Variants in CYP20A1 observed in about 807,000 individuals in gnomAD.
CYP20A1 encodes cytochrome P450 family 20 subfamily A member 1.
Under a neutral mutation model 61.4 loss-of-function variants are expected in CYP20A1, and 61 were observed. The observed-to-expected ratio is 0.99, with a 90% CI of 0.81 to 1.23. The LOEUF is 1.23. Among genes scored for constraint, CYP20A1 ranks in the 50% most tolerant of loss-of-function variants. The probability of loss-of-function intolerance (pLI) is 0.00; values close to 1 mark genes in which losing one functional copy is unlikely to be tolerated. For synonymous variants in CYP20A1, 193 were observed against 188.2 expected, an observed-to-expected ratio of 1.03 and a Z score of -0.21; for missense variants, 530 against 542.4, an observed-to-expected ratio of 0.98 and a Z score of 0.23.
At position 203,292,716 on chromosome 2, in the gene CYP20A1, C is replaced by T. The variant is rs186345858; in HGVS notation, c.1148+390C>T. ...TCAAGCCATCCTCCCACCTCTGCCT[C>T]CCAAAGTGGTGGGATTACAGGCATG... On this transcript the variant is annotated intron_variant, in intron 11 of 12. Transcript: ENST00000356079. Among the ~76,000 whole-genome samples the T allele has an allele frequency of 5.3e-5, 8 of 152,244 alleles. No individual in the cohort carries two copies. In the East Asian group the frequency reaches 1.5e-3, roughly 29 times the overall value.
chr2:203,278,695 T>A lies in CYP20A1; in HGVS notation c.795+7T>A. ...GAACCTTAATGACCAACAGGTGATA[T>A]AATTGTTAAATGTTTATCAGGTAAA... On this transcript the variant is annotated splice_region_variant and intron_variant, in intron 7 of 12. Transcript: ENST00000356079. The A allele has an allele frequency of 1.4e-6, 2 of 1,427,700 alleles. No homozygotes were observed. The highest frequency in any genetic ancestry group is 1.9e-6 in the Non-Finnish European group (2 of 1,033,712). 88.4% of individuals were successfully genotyped at this position (1,427,700 alleles called of 1,614,324 possible). A position where few individuals can be genotyped will look rare whatever the true frequency, so the allele number is the denominator to read the frequency against.
rs567061829 is a variant in CYP20A1, at chr2:203,289,133, A to G, written c.972-632A>G. ...GCTCTCATTCTTTTTCATCTTTGTCAATCTGGCAAGTAAAAAAAATGCTAT... is the reference window on the plus strand; with the variant it reads ...GCTCTCATTCTTTTTCATCTTTGTCGATCTGGCAAGTAAAAAAAATGCTAT... On this transcript the variant is annotated intron_variant, in intron 9 of 12. Transcript: ENST00000356079. Among the ~76,000 whole-genome samples the G allele has an allele frequency of 5.9e-5, 9 of 152,086 alleles. No individual in the cohort carries two copies. The South Asian group carries it at 1.0e-3, about 18-fold the overall frequency.
At chr2:203,244,793 C>T (rs2066394988) in intron 1 of CYP20A1, among the ~76,000 whole-genome samples, 1 of 147,194 alleles carries the variant, frequency 6.8e-6, no homozygotes, top group South Asian at 2.1e-4. Flanking sequence ...AGTACAGTGG[C>T]GCGATCTAGG....
rs377306363 is a variant in CYP20A1 at position 203,251,815 on chromosome 2, A to ATATATATATG, written c.290-150_290-149insTATATATGTA. ...TGTGTATATATATATATATATATATATAAAAAATAAAAAATAAAAACAAGG... is the reference window on the plus strand; with the variant it reads ...TGTGTATATATATATATATATATATATATATATATGTAAAAAATAAAAAATAAAAACAAGG... On this transcript the variant is annotated intron_variant, in intron 3 of 12. Coordinates refer to ENST00000356079, the MANE Select transcript of CYP20A1 (RefSeq NM_177538.3). 140 of 89,236 alleles carry ATATATATATG rather than the reference A, an allele frequency of 1.6e-3. 2 individuals carry two copies. The highest frequency in any genetic ancestry group is 5.1e-3 in the South Asian group (9 of 1,776). 5.5% of individuals were successfully genotyped at this position (89,236 alleles called of 1,614,324 possible). A position where few individuals can be genotyped will look rare whatever the true frequency, so the allele number is the denominator to read the frequency against.
intron 11 of CYP20A1, among the ~76,000 whole-genome samples, chr2:203,293,471 T>G (rs1156642555): frequency 6.7e-6 from 1 of 149,310 alleles, no homozygotes; most frequent in Non-Finnish European, 1.5e-5. Context: ...CGCCTCAGCC[T>G]CCCAAAGTGC....
chr2:203,273,797 A>G (rs2067704348), intron 6 of CYP20A1, among the ~76,000 whole-genome samples: 2 of 152,194 alleles, frequency 1.3e-5, no homozygotes, highest in South Asian at 4.1e-4. Context: ...AATACAAAAC[A>G]TTAGCCGGGT....
chr2:203,253,317 C>T (rs936576688), intron 4 of CYP20A1, among the ~76,000 whole-genome samples: 7 of 152,170 alleles, frequency 4.6e-5, no homozygotes, highest in Non-Finnish European at 1.5e-5. Flanking sequence ...GCTGATCTCC[C>T]CTATGGGCTG....
chr2:203,285,607 C>A lies in CYP20A1; in HGVS notation c.851-5C>A. 6.4e-7 allele frequency: 1 copy of A among 1,568,682 alleles called. No homozygotes were observed. Among genetic ancestry groups the A allele is most frequent in the Admixed American group, 2.1e-5 (1 of 47,390 alleles). ...TCATTGTTATTCATATAATGTTTGA[C>A]CTAGTGTGTACCTGGGCAATCTGTT... On this transcript the variant is annotated splice_polypyrimidine_tract_variant and splice_region_variant and intron_variant, in intron 8 of 12. Transcript: ENST00000356079.
At chr2:203,239,909 A>G (rs1313951403) in intron 1 of CYP20A1, among the ~76,000 whole-genome samples, 1 of 152,192 alleles carries the variant, frequency 6.6e-6, no homozygotes, top group Non-Finnish European at 1.5e-5. Context: ...CATCCTGGCC[A>G]ACATGGTGAC....
chr2:203,256,154 G>T (rs1295546703), intron 4 of CYP20A1, among the ~76,000 whole-genome samples: 1 of 21,784 alleles, frequency 4.6e-5, no homozygotes, highest in East Asian at 1.4e-3. Flanking sequence ...TTTTTGTAAA[G>T]ACGTGTGTCT....
At chr2:203,292,375 C>T in intron 11 of CYP20A1, 49 bp downstream of exon 11, 1 of 1,370,898 alleles carries the variant, frequency 7.3e-7, no homozygotes, top group Non-Finnish European at 1.0e-6. Context: ...TTTGTGTTTG[C>T]ACGTTTTGCA....
chr2:203,262,091 G>A (rs2067159991), intron 4 of CYP20A1, among the ~76,000 whole-genome samples: 1 of 152,004 alleles, frequency 6.6e-6, no homozygotes, highest in Non-Finnish European at 1.5e-5. Context: ...GACAAGCAGG[G>A]GAACAAAGAA....
At chr2:203,289,949 TA>T in intron 10 of CYP20A1, 73 bp downstream of exon 10, 1 of 615,892 alleles carries the variant, frequency 1.6e-6, no homozygotes, top group Non-Finnish European at 2.6e-6. Context: ...TGTATATATA[TA>T]TATATTTTAG....
chr2:203,263,803 C>CT (rs1217372433), intron 4 of CYP20A1, among the ~76,000 whole-genome samples: 3 of 152,058 alleles, frequency 2.0e-5, no homozygotes, highest in Non-Finnish European at 4.4e-5. Context: ...TTTGAAATGT[C>CT]TTTGAGACTT....
chr2:203,270,510 A>G (rs961462588), intron 5 of CYP20A1, among the ~76,000 whole-genome samples: 1 of 151,728 alleles, frequency 6.6e-6, no homozygotes, highest in East Asian at 1.9e-4. Context: ...TTTTCTTACT[A>G]ATCTAGAACA....
chr2:203,286,478 T>C lies in CYP20A1; in HGVS notation c.971+746T>C, dbSNP rs566577416. Among the ~76,000 whole-genome samples the C allele has an allele frequency of 6.6e-5, 10 of 151,544 alleles. No individual in the cohort carries two copies. The South Asian group carries it at 8.3e-4, about 13-fold the overall frequency. ...TTCAACTGGTAAATAGATAAACAAA[T>C]TGTGGTATTACCATACCATAGAATA... On this transcript the variant is annotated intron_variant, in intron 9 of 12. Transcript: ENST00000356079.
intron 1 of CYP20A1, 42 bp downstream of exon 1, chr2:203,239,176 C>T: frequency 6.5e-7 from 1 of 1,547,260 alleles, no homozygotes; most frequent in Non-Finnish European, 8.9e-7. Context: ...GGCGCCGCCC[C>T]AGTCTCTCTG....
chr2:203,299,520 G>A lies in CYP20A1; in HGVS notation c.*2612G>A, dbSNP rs1355182774. Among the ~76,000 whole-genome samples the A allele has an allele frequency of 6.6e-6, 1 of 151,912 alleles. No homozygotes were observed. Among genetic ancestry groups the A allele is most frequent in the Non-Finnish European group, 1.5e-5 (1 of 67,964 alleles). Reference sequence around the variant, plus strand: ...GACCTAGTCATTACCAGTTAACATAGAATTTAATTGGATGCAGTCTGTATT... The same window carrying A: ...GACCTAGTCATTACCAGTTAACATAAAATTTAATTGGATGCAGTCTGTATT... On this transcript the variant is annotated 3_prime_UTR_variant, in exon 13 of 13. Transcript: ENST00000356079.
chr2:203,272,606 G>A, intron 5 of CYP20A1, 64 bp from the exon 6 acceptor site: 1 of 840,448 alleles, frequency 1.2e-6, no homozygotes, highest in South Asian at 1.7e-5. Flanking sequence ...AGGTTACATT[G>A]CTCTGTATTA....
Sources: allele counts gnomAD v4.1 joint callset (sites outside exome capture counted in the v4.1 genomes callset), GRCh38; gene constraint gnomAD v4.1.1; transcripts MANE v1.5; gene names NCBI Gene and HGNC (gene_info 2026-07-23, HGNC 2026-07-21).